Variants in IFT80 observed in about 807,000 individuals in gnomAD.
IFT80 encodes intraflagellar transport 80.
Under a neutral mutation model 107.9 loss-of-function variants are expected in IFT80, and 79 were observed. The observed-to-expected ratio is 0.73, with a 90% CI of 0.61 to 0.88. IFT80 has a LOEUF of 0.88. IFT80 is among the 40% of genes least tolerant of loss of function. The pLI is 0.00. For synonymous variants in IFT80, 299 were observed against 300.9 expected, an observed-to-expected ratio of 0.99 and a Z score of 0.07; for missense variants, 797 against 914.2, an observed-to-expected ratio of 0.87 and a Z score of 1.65.
At chr3:160,265,266 C>T (rs1167648813) in intron 19 of IFT80, among the ~76,000 whole-genome samples, 1 of 152,210 alleles carries the variant, frequency 6.6e-6, no homozygotes, top group Admixed American at 6.5e-5. Context: ...CAGCTAACAA[C>T]TCCTCACTAT....
intron 10 of IFT80, among the ~76,000 whole-genome samples, chr3:160,304,467 G>A (rs1276746326): frequency 3.0e-5 from 4 of 134,946 alleles, no homozygotes; most frequent in Admixed American, 8.5e-5. Context: ...ATGGAGTCTC[G>A]CTCTGTCGCC....
rs576546954 is a variant in IFT80 at position 160,306,067 on chromosome 3, C to G, written c.1076+1596G>C. 7.9e-5 allele frequency among the ~76,000 whole-genome samples: 12 copies of G among 152,110 alleles called. No individual in the cohort carries two copies. In the South Asian group the frequency reaches 2.5e-3, roughly 32 times the overall value. ...CTACTGCATCCTTGCATTTCATTACCACTGCTGCATCCTGGTATTAATATT... is the reference window on the plus strand; with the variant it reads ...CTACTGCATCCTTGCATTTCATTACGACTGCTGCATCCTGGTATTAATATT... On this transcript the variant is annotated intron_variant, in intron 10 of 19. Coordinates refer to ENST00000326448, the MANE Select transcript of IFT80 (RefSeq NM_020800.3).
chr3:160,285,235 C>T (rs1715000186), intron 13 of IFT80, among the ~76,000 whole-genome samples: 9 of 152,052 alleles, frequency 5.9e-5, no homozygotes, highest in Admixed American at 5.9e-4. Flanking sequence ...TTTTGAGTAA[C>T]AGTTCACTAG....
At chr3:160,267,358 A>G (rs1713420161) in intron 19 of IFT80, among the ~76,000 whole-genome samples, 1 of 152,230 alleles carries the variant, frequency 6.6e-6, no homozygotes, top group Non-Finnish European at 1.5e-5. Context: ...ATTTTATTCT[A>G]CACCAAGAAG....
chr3:160,280,663 T>C lies in IFT80; in HGVS notation c.1664+4A>G. 6.2e-7 allele frequency: 1 copy of C among 1,610,386 alleles called. No homozygotes were observed. Among genetic ancestry groups the C allele is most frequent in the Non-Finnish European group, 8.5e-7 (1 of 1,177,016 alleles). ...AAACAGAATTATACGCAGTAAAATG[T>C]TACCTTGCATCCCTTTCATATAATG... On this transcript the variant is annotated splice_donor_region_variant and intron_variant, in intron 15 of 19. Transcript: ENST00000326448.
chr3:160,377,368 G>T, intron 4 of IFT80, 62 bp downstream of exon 4: 2 of 970,832 alleles, frequency 2.1e-6, no homozygotes, highest in African/African-American at 1.6e-5. Context: ...AAAATATTCT[G>T]TTTCTTTGGA....
intron 19 of IFT80, among the ~76,000 whole-genome samples, chr3:160,267,326 CT>C (rs1168462597): frequency 6.6e-6 from 1 of 152,160 alleles, no homozygotes; most frequent in Non-Finnish European, 1.5e-5. Context: ...CAGTCTGCCC[CT>C]ATGATCAATC....
intron 8 of IFT80, among the ~76,000 whole-genome samples, chr3:160,335,334 G>A (rs1250172846): frequency 6.6e-6 from 1 of 150,840 alleles, no homozygotes; most frequent in East Asian, 2.0e-4. Flanking sequence ...AGGTTCTCCT[G>A]CCTCAGCCTC....
chr3:160,354,819 G>A (rs569376383), intron 8 of IFT80, among the ~76,000 whole-genome samples: 1 of 152,182 alleles, frequency 6.6e-6, no homozygotes, highest in Non-Finnish European at 1.5e-5. Flanking sequence ...CACACTTAGA[G>A]AGTTGTGGGG....
Position 160,394,185 on chromosome 3 carries a change from C to T in IFT80, c.-47+4961G>A, listed in dbSNP as rs1713600592. Reference sequence around the variant, plus strand: ...AGGCACGGACTCAAAGGCTTAGCCACAGCAAACAGTATGGCCGTTTACTTT... The same window carrying T: ...AGGCACGGACTCAAAGGCTTAGCCATAGCAAACAGTATGGCCGTTTACTTT... On this transcript the variant is annotated intron_variant, in intron 1 of 19. Transcript: ENST00000326448. 2.0e-5 allele frequency: 3 copies of T among 152,274 alleles called. No individual in the cohort carries two copies. The South Asian group carries it at 6.2e-4, about 32-fold the overall frequency. 9.4% of individuals were successfully genotyped at this position (152,274 alleles called of 1,614,324 possible).
At chr3:160,364,415 T>A (rs1721713846) in intron 6 of IFT80, among the ~76,000 whole-genome samples, 1 of 152,178 alleles carries the variant, frequency 6.6e-6, no homozygotes, top group African/African-American at 2.4e-5. Context: ...GAGTGTAAAC[T>A]AGTTCAACCA....
At chr3:160,369,436 T>G (rs1722082602) in intron 5 of IFT80, among the ~76,000 whole-genome samples, 2 of 151,936 alleles carry the variant, frequency 1.3e-5, no homozygotes, top group African/African-American at 4.8e-5. Flanking sequence ...CTTAAAATAT[T>G]AAGCATTAAA....
intron 19 of IFT80, among the ~76,000 whole-genome samples, chr3:160,259,250 G>T (rs1159261094): frequency 1.3e-5 from 2 of 152,148 alleles, no homozygotes; most frequent in Non-Finnish European, 2.9e-5. Flanking sequence ...ATTTATAAAG[G>T]TACATCTAAA....
intron 1 of IFT80, among the ~76,000 whole-genome samples, chr3:160,387,799 T>C (rs946591014): frequency 6.6e-6 from 1 of 152,218 alleles, no homozygotes; most frequent in Non-Finnish European, 1.5e-5. Flanking sequence ...TTCAAAGCCA[T>C]GGAATAAGAT....
chr3:160,299,766 C>A (rs1028987695), intron 12 of IFT80, among the ~76,000 whole-genome samples: 2 of 152,258 alleles, frequency 1.3e-5, no homozygotes, highest in Admixed American at 6.5e-5. Context: ...TCACTCTCAT[C>A]CCTGCTTGGC....
Position 160,257,927 on chromosome 3 carries a change from A to G in IFT80, c.*598T>C, listed in dbSNP as rs2108188603. 6.5e-6 allele frequency: 1 copy of G among 153,804 alleles called. No homozygotes were observed. The highest frequency in any genetic ancestry group is 2.4e-5 in the African/African-American group (1 of 41,554). 9.5% of individuals were successfully genotyped at this position (153,804 alleles called of 1,614,324 possible). ...TTTATCCTGAGGTAGTATTTATCAG[A>G]ATTTCATTCCTTTTTAAAGCTAAAT... On this transcript the variant is annotated 3_prime_UTR_variant, in exon 20 of 20. Transcript: ENST00000326448.
intron 1 of IFT80, among the ~76,000 whole-genome samples, chr3:160,397,628 A>T (rs1324368364): frequency 6.6e-6 from 1 of 151,744 alleles, no homozygotes; most frequent in Non-Finnish European, 1.5e-5. Flanking sequence ...CTAAAAAATG[A>T]TGGAACTTGG....
chr3:160,301,033 C>T lies in IFT80; in HGVS notation c.1165G>A (p.Val389Ile). ...TATAAATAGATACTACTACCATCTA[C>T]AAGAAGAAAATGTCTAAAAAATAAA... ...ILQAERHFLL[V>I]DGSSIYLYSY... The change falls in exon 12 of 20, where the codon GTA (valine) becomes ATA (isoleucine). Residue 389 changes from valine (V) to isoleucine (I), a missense_variant. Transcript: ENST00000326448. 1.3e-6 allele frequency: 2 copies of T among 1,576,494 alleles called. No individual in the cohort carries two copies. The highest frequency in any genetic ancestry group is 1.7e-6 in the Non-Finnish European group (2 of 1,153,180).
intron 3 of IFT80, among the ~76,000 whole-genome samples, chr3:160,379,325 T>C (rs866582302): frequency 6.6e-6 from 1 of 152,208 alleles, no homozygotes; most frequent in Non-Finnish European, 1.5e-5. Context: ...CAATATGTTA[T>C]CCTATACCAG....
Sources: allele counts gnomAD v4.1 joint callset (sites outside exome capture counted in the v4.1 genomes callset), GRCh38; gene constraint gnomAD v4.1.1; transcripts MANE v1.5; gene names NCBI Gene and HGNC (gene_info 2026-07-23, HGNC 2026-07-21).